The following ZNF486 variants were observed in gnomAD, a reference collection of about 807,000 sequenced individuals.
The protein encoded by ZNF486 is KRAB box only protein 2.
Under a neutral mutation model 12.8 loss-of-function variants are expected in ZNF486, and 12 were observed. The ratio of observed to expected loss-of-function variants is 0.94; its 90% CI spans 0.60 to 1.52. The LOEUF (loss-of-function observed/expected upper bound fraction) is 1.52, where lower values mean the gene tolerates loss of function less well. ZNF486 is among the 40% of genes most tolerant of loss of function. ZNF486 has a pLI of 0.00. For missense variants in ZNF486, 738 were observed against 545.0 expected (o/e 1.35, Z -3.53); for synonymous variants, 231 against 184.9 (o/e 1.25, Z -2.02).
chr19:20,170,269 A>G (rs2089635137), intron 1 of ZNF486, among the ~76,000 whole-genome samples: 1 of 151,772 alleles, frequency 6.6e-6, no homozygotes, highest in Non-Finnish European at 1.5e-5. Flanking sequence ...AGATAAATAA[A>G]GTTTGATTAA....
chr19:20,191,457 T>A (rs2089901494), intron 3 of ZNF486, among the ~76,000 whole-genome samples: 1 of 110,430 alleles, frequency 9.1e-6, no homozygotes, highest in South Asian at 2.8e-4. Flanking sequence ...ACAGCGAGAT[T>A]CCTTCAAAAA....
chr19:20,195,680 G>A (rs2089951216), intron 3 of ZNF486, among the ~76,000 whole-genome samples: 1 of 152,134 alleles, frequency 6.6e-6, no homozygotes, highest in African/African-American at 2.4e-5. Flanking sequence ...GTCTTGGCTA[G>A]AGATTCTGGG....
chr19:20,193,233 A>G (rs1486840287), intron 3 of ZNF486, among the ~76,000 whole-genome samples: 1 of 151,996 alleles, frequency 6.6e-6, no homozygotes, highest in Non-Finnish European at 1.5e-5. Flanking sequence ...GTATCTATTA[A>G]CATTTATGCA....
rs562584879 is a variant in ZNF486 at position 20,185,016 on chromosome 19, C to G, written c.157+534C>G. ...ATCCCAGCTACTCCGGAGGCTGAGG[C>G]AGGAGATTCCCTTGAACACAGGAGG... On this transcript the variant is annotated intron_variant, in intron 2 of 3. Transcript: ENST00000335117. Among the ~76,000 whole-genome samples, 9 of 152,234 alleles carry G rather than the reference C, an allele frequency of 5.9e-5. No homozygotes were observed. The South Asian group carries it at 1.9e-3, about 32-fold the overall frequency.
At chr19:20,186,203 G>T in intron 3 of ZNF486, 121 bp downstream of exon 3, 1 of 572,144 alleles carries the variant, frequency 1.7e-6, no homozygotes. Context: ...TAGTTCCTGG[G>T]CAGCTGTTTT....
rs1555716364 is a variant in ZNF486 at position 20,186,017 on chromosome 19, C to T, written c.188C>T (p.Thr63Ile). ...GIIVSKPDLITCLEQGIKPLT... is the reference protein window; with the variant it reads ...GIIVSKPDLIICLEQGIKPLT... ...ATTGTCTCTAAGCCAGACCTGATCA[C>T]CTGTCTGGAGCAAGGAATAAAACCT... Residue 63 changes from threonine (T) to isoleucine (I), a missense_variant, in exon 3 of 4, where the codon ACC becomes ATC. Thr to Ile is a moderately conservative substitution (Grantham distance 89, BLOSUM62 -1). Transcript: ENST00000335117. 6.3e-7 allele frequency: 1 copy of T among 1,587,538 alleles called. No individual in the cohort carries two copies. Among genetic ancestry groups the T allele is most frequent in the African/African-American group, 1.4e-5 (1 of 73,344 alleles).
intron 1 of ZNF486, among the ~76,000 whole-genome samples, chr19:20,168,087 C>A (rs937487782): frequency 3.2e-4 from 48 of 152,154 alleles, no homozygotes; most frequent in African/African-American, 1.2e-3. Context: ...CCTGGTCGGG[C>A]GCGGTGGCTC....
intron 1 of ZNF486, among the ~76,000 whole-genome samples, chr19:20,169,436 G>GT (rs2089622495): frequency 5.3e-5 from 8 of 152,130 alleles, no homozygotes; most frequent in Admixed American, 5.2e-4. Flanking sequence ...GGCCTAGTTA[G>GT]TTTTTTCTGG....
chr19:20,192,171 G>A (rs1370259899), intron 3 of ZNF486, among the ~76,000 whole-genome samples: 1 of 152,024 alleles, frequency 6.6e-6, no homozygotes, highest in Non-Finnish European at 1.5e-5. Context: ...CTATTTTTAT[G>A]ATATACACAT....
chr19:20,177,163 T>C (rs1385960663), intron 1 of ZNF486: 3 of 152,290 alleles, frequency 2.0e-5, no homozygotes, highest in Non-Finnish European at 2.9e-5. Flanking sequence ...CAGTGGCAGA[T>C]GGTAGAGGTC....
intron 1 of ZNF486, chr19:20,174,982 T>C (rs992816574): frequency 6.6e-6 from 1 of 152,218 alleles, no homozygotes; most frequent in Admixed American, 6.5e-5. Context: ...TATATTCCAC[T>C]ATATGAACAT....
At position 20,198,101 on chromosome 19, in the gene ZNF486, G is replaced by A. The variant is rs2089979723; in HGVS notation, c.1391G>A (p.Ter464=). 1 of 1,560,636 alleles carries A rather than the reference G, an allele frequency of 6.4e-7. No individual in the cohort carries two copies. The highest frequency in any genetic ancestry group is 8.7e-7 in the Non-Finnish European group (1 of 1,155,014). The change falls in exon 4 of 4, where the codon TGA becomes TAA. Residue 464 remains the stop codon, a stop_retained_variant. Coordinates refer to ENST00000335117, the MANE Select transcript of ZNF486 (RefSeq NM_052852.4). ...CATATTGGACAGAAACCAAGAACGT[G>A]ACAAAGGATTATTTTATTATTATTA... ...RIHIGQKPRT[*]
In ZNF486 at chr19:20,185,971, A is replaced by C. The variant is rs1555716358; in HGVS notation, c.158-16A>C. 1.3e-6 allele frequency: 2 copies of C among 1,498,960 alleles called. No homozygotes were observed. Among genetic ancestry groups the C allele is most frequent in the Non-Finnish European group, 1.8e-6 (2 of 1,121,094 alleles). 92.9% of individuals were successfully genotyped at this position (1,498,960 alleles called of 1,614,324 possible). On this transcript the variant is annotated splice_polypyrimidine_tract_variant and intron_variant, in intron 2 of 3. Coordinates refer to ENST00000335117, the MANE Select transcript of ZNF486 (RefSeq NM_052852.4). ...AATATAAGCAAGATTAATGCTATTTATTTTTAATGAAACAGGTATTATTGT... is the reference window on the plus strand; with the variant it reads ...AATATAAGCAAGATTAATGCTATTTCTTTTTAATGAAACAGGTATTATTGT...
intron 3 of ZNF486, among the ~76,000 whole-genome samples, chr19:20,190,648 G>A (rs1023904517): frequency 6.6e-6 from 1 of 152,168 alleles, no homozygotes; most frequent in Non-Finnish European, 1.5e-5. Context: ...GTCTCCCAAA[G>A]TGTTAGGGTT....
At chr19:20,168,584 G>A (rs1180353404) in intron 1 of ZNF486, among the ~76,000 whole-genome samples, 1 of 151,882 alleles carries the variant, frequency 6.6e-6, no homozygotes, top group Non-Finnish European at 1.5e-5. Context: ...AACCCGGGAG[G>A]AGGAGGTTGC....
intron 1 of ZNF486, among the ~76,000 whole-genome samples, chr19:20,182,559 C>A (rs1001342909): frequency 6.6e-6 from 1 of 152,108 alleles, no homozygotes; most frequent in Non-Finnish European, 1.5e-5. Context: ...CACCTTTGCA[C>A]TAAAGGGTGG....
At chr19:20,183,429 A>G (rs1357055214) in intron 1 of ZNF486, among the ~76,000 whole-genome samples, 5 of 152,244 alleles carry the variant, frequency 3.3e-5, no homozygotes, top group African/African-American at 1.2e-4. Flanking sequence ...GTGCTAAATG[A>G]AGCCTACTTA....
At chr19:20,173,043 G>T (rs542767337) in intron 1 of ZNF486, among the ~76,000 whole-genome samples, 129 of 152,216 alleles carry the variant, frequency 8.5e-4, no homozygotes, top group Non-Finnish European at 1.5e-3. Flanking sequence ...AGTTTCCTTT[G>T]CTGTAAAGAA....
At position 20,198,057 on chromosome 19, in the gene ZNF486, T is replaced by C; in HGVS notation, c.1347T>C (p.Leu449=). ...AAGCTTTTAACTGGTCCTCAGACCT[T>C]AATAAACATAAGAGAATTCATATTG... The part of the protein sequence containing the change: ...CGKAFNWSSD[L]NKHKRIHIGQ... The change falls in exon 4 of 4, where the codon CTT becomes CTC. Residue 449 remains leucine, a synonymous_variant. Coordinates refer to ENST00000335117, the MANE Select transcript of ZNF486 (RefSeq NM_052852.4). 2 of 1,608,978 alleles carry C rather than the reference T, an allele frequency of 1.2e-6. No individual in the cohort carries two copies. The highest frequency in any genetic ancestry group is 1.7e-6 in the Non-Finnish European group (2 of 1,177,224).
Sources: gnomAD v4.1 joint callset for allele counts (sites outside exome capture counted in the v4.1 genomes callset) on GRCh38, gnomAD v4.1.1 for gene constraint, MANE v1.5 for transcripts, NCBI Gene and HGNC (gene_info 2026-07-23, HGNC 2026-07-21) for gene names.